Variants in WWOX observed in about 807,000 individuals in gnomAD.
WWOX encodes the protein WW domain-containing oxidoreductase.
In WWOX, 69 loss-of-function variants were observed where a neutral mutation model predicts 46.2. The observed-to-expected ratio is 1.49, with a 90% confidence interval of 1.23 to 1.82. The LOEUF (loss-of-function observed/expected upper bound fraction) is 1.82. Ranked by LOEUF, WWOX falls within the 40% of genes most tolerant of loss-of-function variation. The pLI, the probability that WWOX is intolerant of heterozygous loss-of-function variation, is 0.00. For synonymous variants in WWOX, 359 were observed against 202.6 expected, an observed-to-expected ratio of 1.77 and a Z score of -6.56; for missense variants, 919 against 542.6, an observed-to-expected ratio of 1.69 and a Z score of -6.89.
intron 5 of WWOX, among the ~76,000 whole-genome samples, chr16:78,204,957 G>A (rs989808417): frequency 6.6e-6 from 1 of 152,168 alleles, no homozygotes; most frequent in Non-Finnish European, 1.5e-5. Flanking sequence ...ATGTTGAAAA[G>A]AACAATTAAA....
intron 8 of WWOX, among the ~76,000 whole-genome samples, chr16:79,071,660 G>C (rs1255468950): frequency 1.3e-5 from 2 of 152,172 alleles, no homozygotes; most frequent in East Asian, 3.9e-4. Context: ...AACCACTCTT[G>C]GGTCTTTCTT....
intron 8 of WWOX, among the ~76,000 whole-genome samples, chr16:78,607,778 C>A (rs1214828412): frequency 6.6e-6 from 1 of 150,826 alleles, no homozygotes; most frequent in Non-Finnish European, 1.5e-5. Flanking sequence ...ATTGCATTTT[C>A]ATATTTGTCA....
chr16:79,097,186 G>A (rs1286397804), intron 8 of WWOX, among the ~76,000 whole-genome samples: 1 of 152,110 alleles, frequency 6.6e-6, no homozygotes, highest in Non-Finnish European at 1.5e-5. Context: ...TCACAGAGAA[G>A]TCAGAATTCT....
At chr16:79,013,013 G>C (rs185127550) in intron 8 of WWOX, among the ~76,000 whole-genome samples, 5 of 152,196 alleles carry the variant, frequency 3.3e-5, no homozygotes, top group Non-Finnish European at 5.9e-5. Flanking sequence ...AGGTTGCAGT[G>C]AGCTGAGATC....
chr16:79,042,871 T>C (rs1484789468), intron 8 of WWOX, among the ~76,000 whole-genome samples: 1 of 152,104 alleles, frequency 6.6e-6, no homozygotes, highest in African/African-American at 2.4e-5. Context: ...TAAAATAGCT[T>C]TTATTGCTTC....
At chr16:78,392,215 G>T (rs533807108) in intron 6 of WWOX, among the ~76,000 whole-genome samples, 3 of 152,000 alleles carry the variant, frequency 2.0e-5, no homozygotes. Flanking sequence ...TAGTGCCTCA[G>T]GTCCTCCCCC....
chr16:78,383,381 A>G (rs1159721162), intron 5 of WWOX, among the ~76,000 whole-genome samples: 1 of 152,134 alleles, frequency 6.6e-6, no homozygotes, highest in African/African-American at 2.4e-5. Flanking sequence ...TGAATCTATA[A>G]TTAGTTTCAA....
chr16:78,753,195 G>C (rs2049530079), intron 8 of WWOX, among the ~76,000 whole-genome samples: 1 of 152,108 alleles, frequency 6.6e-6, no homozygotes, highest in South Asian at 2.1e-4. Flanking sequence ...AGCTACTCTG[G>C]AGGCTGAGAC....
intron 5 of WWOX, among the ~76,000 whole-genome samples, chr16:78,292,263 C>T (rs551371486): frequency 6.1e-4 from 93 of 152,182 alleles, no homozygotes; most frequent in African/African-American, 1.9e-3. Flanking sequence ...TATCCTAAGG[C>T]GTGGCCCATA....
At chr16:78,873,318 C>T (rs977455786) in intron 8 of WWOX, 7 of 152,280 alleles carry the variant, frequency 4.6e-5, no homozygotes, top group South Asian at 2.1e-4. Flanking sequence ...TAAGAAGGGA[C>T]TAGCTCCTAT....
chr16:78,935,917 A>G (rs953762014), intron 8 of WWOX, among the ~76,000 whole-genome samples: 1 of 152,020 alleles, frequency 6.6e-6, no homozygotes, highest in Non-Finnish European at 1.5e-5. Context: ...GTCTCAAAAT[A>G]AAATAAAATA....
At chr16:78,930,451 T>A (rs1428749154) in intron 8 of WWOX, among the ~76,000 whole-genome samples, 1 of 104,850 alleles carries the variant, frequency 9.5e-6, no homozygotes, top group Non-Finnish European at 2.4e-5. Context: ...CTAGCTAATT[T>A]TTTTTTTTTT....
At chr16:78,977,842 C>A (rs114410110) in intron 8 of WWOX, among the ~76,000 whole-genome samples, 1,696 of 152,238 alleles carry the variant, frequency 0.011, 34 homozygotes, top group African/African-American at 0.039. Flanking sequence ...CACATAAAAG[C>A]AAGGAAACTT....
intron 8 of WWOX, among the ~76,000 whole-genome samples, chr16:79,009,007 A>G (rs926561266): frequency 6.6e-6 from 1 of 152,200 alleles, no homozygotes; most frequent in African/African-American, 2.4e-5. Context: ...TCAGCATCAG[A>G]TTTATTCACC....
At chr16:78,308,435 C>A (rs1020549247) in intron 5 of WWOX, among the ~76,000 whole-genome samples, 1 of 152,238 alleles carries the variant, frequency 6.6e-6, no homozygotes, top group African/African-American at 2.4e-5. Context: ...AGCATTAAAA[C>A]AGATCCTAAG....
chr16:78,565,020 C>T (rs934142204), intron 8 of WWOX, among the ~76,000 whole-genome samples: 16 of 152,044 alleles, frequency 1.1e-4, no homozygotes, highest in Admixed American at 4.6e-4. Context: ...CCCTAGGAAC[C>T]GAGAGAAGAG....
At chr16:78,377,439 A>G (rs968901698) in intron 5 of WWOX, among the ~76,000 whole-genome samples, 1 of 152,102 alleles carries the variant, frequency 6.6e-6, no homozygotes, top group Non-Finnish European at 1.5e-5. Context: ...AACTTATTGT[A>G]CTCCTCTTTA....
At chr16:78,520,154 G>A (rs1348001141) in intron 8 of WWOX, among the ~76,000 whole-genome samples, 1 of 152,200 alleles carries the variant, frequency 6.6e-6, no homozygotes, top group East Asian at 1.9e-4. Context: ...TGTCCAGTCT[G>A]AAGCTTTTAT....
chr16:79,212,083 C>G lies in WWOX; in HGVS notation c.*287C>G, dbSNP rs751222745. ...GCTTGGTGTGTAGGTTCCGTATCTCCCTGGAGAAGCACCAGCAATTCTCTT... is the reference window on the plus strand; with the variant it reads ...GCTTGGTGTGTAGGTTCCGTATCTCGCTGGAGAAGCACCAGCAATTCTCTT... On this transcript the variant is annotated 3_prime_UTR_variant, in exon 9 of 9. Coordinates refer to ENST00000566780, the MANE Select transcript of WWOX (RefSeq NM_016373.4). 2 of 1,536,224 alleles carry G rather than the reference C, an allele frequency of 1.3e-6. No individual in the cohort carries two copies. Among genetic ancestry groups the G allele is most frequent in the East Asian group, 2.4e-5 (1 of 40,902 alleles).
Sources: gnomAD v4.1 joint callset for allele counts (sites outside exome capture counted in the v4.1 genomes callset) on GRCh38, gnomAD v4.1.1 for gene constraint, MANE v1.5 for transcripts, NCBI Gene and HGNC (gene_info 2026-07-23, HGNC 2026-07-21) for gene names.